Variants in TUSC3 observed in about 807,000 individuals in gnomAD.
TUSC3 encodes the protein dolichyl-diphosphooligosaccharide--protein glycosyltransferase subunit TUSC3.
Under a neutral mutation model 44.8 loss-of-function variants are expected in TUSC3, and 45 were observed. That is an observed-to-expected ratio of 1.00 (90% confidence interval 0.79 to 1.29). The LOEUF is 1.29. Among genes scored for constraint, TUSC3 ranks in the 50% most tolerant of loss-of-function variants. The probability of loss-of-function intolerance (pLI) is 0.00; values close to 1 mark genes in which losing one functional copy is unlikely to be tolerated. For missense variants in TUSC3, 519 were observed against 437.9 expected, an observed-to-expected ratio of 1.19 and a Z score of -1.65; for synonymous variants, 212 against 152.9, an observed-to-expected ratio of 1.39 and a Z score of -2.85.
chr8:15,623,301 T>C (rs1415522148), intron 2 of TUSC3, 52 bp downstream of exon 2: 3 of 1,463,138 alleles, frequency 2.1e-6, no homozygotes, highest in Admixed American at 4.6e-5. Flanking sequence ...GGTTTACATA[T>C]ATATTTTTAT....
At chr8:15,543,179 A>C (rs1204685442) in intron 1 of TUSC3, among the ~76,000 whole-genome samples, 1 of 152,216 alleles carries the variant, frequency 6.6e-6, no homozygotes, top group Non-Finnish European at 1.5e-5. Context: ...GCCTATGATA[A>C]GATTTGGCAC....
intron 2 of TUSC3, among the ~76,000 whole-genome samples, chr8:15,649,563 G>A (rs1423003918): frequency 1.4e-4 from 21 of 149,474 alleles, no homozygotes; most frequent in Admixed American, 1.4e-3. Flanking sequence ...CAGCCTGGGC[G>A]ACAGAGCAAG....
chr8:15,763,046 A>G (rs1457054012), intron 10 of TUSC3, among the ~76,000 whole-genome samples: 1 of 151,776 alleles, frequency 6.6e-6, no homozygotes, highest in East Asian at 1.9e-4. Flanking sequence ...ACAGCTAACA[A>G]GAGTAATTTT....
intron 2 of TUSC3, among the ~76,000 whole-genome samples, chr8:15,531,311 A>G (rs1208365666): frequency 6.6e-6 from 1 of 152,096 alleles, no homozygotes; most frequent in East Asian, 1.9e-4. Context: ...CCCAGGCTGG[A>G]GTACAATGGT....
At chr8:15,726,256 T>C (rs1810490020) in intron 6 of TUSC3, among the ~76,000 whole-genome samples, 1 of 152,170 alleles carries the variant, frequency 6.6e-6, no homozygotes, top group African/African-American at 2.4e-5. Context: ...GATATTGCCA[T>C]ATAAGAGGTA....
At chr8:15,574,483 C>A (rs1803013590) in intron 1 of TUSC3, among the ~76,000 whole-genome samples, 1 of 152,018 alleles carries the variant, frequency 6.6e-6, no homozygotes. Context: ...TTTGCTTAGG[C>A]CCTTTCCTGT....
At chr8:15,751,165 G>C (rs1036764703) in intron 9 of TUSC3, among the ~76,000 whole-genome samples, 1 of 152,122 alleles carries the variant, frequency 6.6e-6, no homozygotes, top group Admixed American at 6.6e-5. Flanking sequence ...GGCAACTTTA[G>C]ATTCAACTAG....
chr8:15,493,702 A>G (rs890343217), intron 2 of TUSC3, among the ~76,000 whole-genome samples: 2 of 152,212 alleles, frequency 1.3e-5, no homozygotes, highest in Admixed American at 6.5e-5. Context: ...ATCCAATTAG[A>G]AAAAGAAGAC....
chr8:15,609,803 C>T (rs757792929), intron 1 of TUSC3, among the ~76,000 whole-genome samples: 39 of 151,540 alleles, frequency 2.6e-4, no homozygotes, highest in Non-Finnish European at 4.4e-4. Context: ...AGAGTAACTC[C>T]CAAAACCAAA....
At chr8:15,622,305 CT>C (rs1554461381) in intron 1 of TUSC3, among the ~76,000 whole-genome samples, 2 of 149,292 alleles carry the variant, frequency 1.3e-5, no homozygotes, top group Admixed American at 6.7e-5. Flanking sequence ...TCCTTTCTTT[CT>C]TTTTTTTTAG....
chr8:15,776,321 T>G, the TUSC3 span, among the ~76,000 whole-genome samples: 1 of 152,160 alleles, frequency 6.6e-6, no homozygotes, highest in African/African-American at 2.4e-5. Context: ...TAACACGTTT[T>G]TATTTATTTT....
intron 1 of TUSC3, among the ~76,000 whole-genome samples, chr8:15,479,311 G>T (rs2129124113): frequency 6.6e-6 from 1 of 152,116 alleles, no homozygotes; most frequent in Non-Finnish European, 1.5e-5. Flanking sequence ...GTCAATTTTT[G>T]CTTTTGTTGT....
chr8:15,502,967 T>A (rs1249037533), intron 2 of TUSC3, among the ~76,000 whole-genome samples: 1 of 152,222 alleles, frequency 6.6e-6, no homozygotes, highest in Admixed American at 6.5e-5. Flanking sequence ...TTAGAAACCT[T>A]ATGATTTTAA....
chr8:15,842,251 C>T, the TUSC3 span, among the ~76,000 whole-genome samples: 146 of 152,252 alleles, frequency 9.6e-4, no homozygotes, highest in African/African-American at 3.3e-3. Flanking sequence ...GTTAGAAGTG[C>T]ATCCCGACTG....
chr8:15,427,879 T>G lies in TUSC3; in HGVS notation n.91+10574T>G, dbSNP rs567437436. ...GTTTTCTTCTGGTAGTTGTACAGTT[T>G]CAAGTTTTCCATTTAAGTCTTTATT... On this transcript the variant is annotated intron_variant and non_coding_transcript_variant, in intron 1 of 5. Coordinates refer to the TUSC3 transcript ENST00000503191. Among the ~76,000 whole-genome samples the G allele has an allele frequency of 4.8e-4, 73 of 152,328 alleles. No individual in the cohort carries two copies. The South Asian group carries it at 0.014, about 29-fold the overall frequency.
chr8:15,660,933 A>G (rs1024316242), intron 4 of TUSC3, among the ~76,000 whole-genome samples: 1 of 150,610 alleles, frequency 6.6e-6, no homozygotes, highest in Admixed American at 6.6e-5. Flanking sequence ...CCATAAAACT[A>G]TATGTGGAAA....
chr8:15,560,591 C>T (rs1272390665), intron 1 of TUSC3, among the ~76,000 whole-genome samples: 1 of 139,288 alleles, frequency 7.2e-6, no homozygotes. Flanking sequence ...TAATATCCTG[C>T]AGAGTGTTTT....
chr8:15,484,202 A>T lies in TUSC3; in HGVS notation n.189+719A>T, dbSNP rs1403932010. On this transcript the variant is annotated intron_variant and non_coding_transcript_variant, in intron 2 of 5. Transcript: ENST00000503191. ...AGTGAGATTTTTAATATTTACATGCACTTATGCAACCATAAATTTGCTAAT... is the reference window on the plus strand; with the variant it reads ...AGTGAGATTTTTAATATTTACATGCTCTTATGCAACCATAAATTTGCTAAT... 3.9e-5 allele frequency among the ~76,000 whole-genome samples: 6 copies of T among 152,248 alleles called. No individual in the cohort carries two copies. In the East Asian group the frequency reaches 9.7e-4, roughly 25 times the overall value.
chr8:15,524,467 A>G (rs1287930675), intron 2 of TUSC3, among the ~76,000 whole-genome samples: 1 of 152,202 alleles, frequency 6.6e-6, no homozygotes, highest in Non-Finnish European at 1.5e-5. Flanking sequence ...CCATAAACTC[A>G]GAGGCTTTGC....
Sources: gnomAD v4.1 joint callset for allele counts (sites outside exome capture counted in the v4.1 genomes callset) on GRCh38, gnomAD v4.1.1 for gene constraint, MANE v1.5 for transcripts, NCBI Gene and HGNC (gene_info 2026-07-23, HGNC 2026-07-21) for gene names.